CRTC1: variants seen among roughly 807,000 people sequenced by gnomAD.
The protein encoded by CRTC1 is CREB regulated transcription coactivator 1.
A neutral mutation model predicts 66.1 loss-of-function variants in CRTC1; 18 were observed. The ratio of observed to expected loss-of-function variants is 0.27; its 90% CI spans 0.19 to 0.40. CRTC1 has a LOEUF of 0.40. Among genes scored for constraint, CRTC1 ranks in the 10% least tolerant of loss-of-function variants. The pLI is 1.00. For synonymous variants in CRTC1, 416 were observed against 398.8 expected (o/e 1.04, Z -0.51); for missense variants, 669 against 887.9 (o/e 0.75, Z 3.13).
intron 9 of CRTC1, among the ~76,000 whole-genome samples, chr19:18,766,287 ATTTTTTT>A (rs1020411277): frequency 0.019 from 2,117 of 109,692 alleles, 65 homozygotes; most frequent in African/African-American, 0.063. Flanking sequence ...TGCCTGGCTA[ATTTTTTT>A]TTTTTTTTTT....
At chr19:18,720,512 G>A (rs2053601282) in intron 1 of CRTC1, among the ~76,000 whole-genome samples, 1 of 148,254 alleles carries the variant, frequency 6.7e-6, no homozygotes, top group African/African-American at 2.5e-5. Context: ...ACCACGCCCG[G>A]CTAATTTTTA....
rs1282519604 is a variant in CRTC1 at position 18,753,101 on chromosome 19, TAAAAATAAA to T, written c.539-384_539-376del. The stretch of plus-strand genomic sequence containing the variant: ...TAACACAGTGAAACCCCGTCTCTAC[TAAAAATAAA>T]AAAAATAAAAAAAAAATTAGCCTGG... On this transcript the variant is annotated intron_variant, in intron 5 of 13. Transcript: ENST00000321949. 2.0e-5 allele frequency among the ~76,000 whole-genome samples: 3 copies of T among 150,882 alleles called. No individual in the cohort carries two copies. The East Asian group carries it at 5.9e-4, about 30-fold the overall frequency.
chr19:18,733,493 G>T (rs1011967021), intron 1 of CRTC1, among the ~76,000 whole-genome samples: 2 of 152,246 alleles, frequency 1.3e-5, no homozygotes, highest in African/African-American at 4.8e-5. Context: ...TGTATATGTG[G>T]TTCTGTATTT....
At chr19:18,689,795 G>A (rs993722741) in intron 1 of CRTC1, among the ~76,000 whole-genome samples, 4 of 151,132 alleles carry the variant, frequency 2.6e-5, no homozygotes, top group African/African-American at 9.8e-5. Flanking sequence ...GCTGCTGTTG[G>A]CATCTTTGTC....
chr19:18,731,357 C>T (rs1165388044), intron 1 of CRTC1, among the ~76,000 whole-genome samples: 1 of 152,158 alleles, frequency 6.6e-6, no homozygotes, highest in Non-Finnish European at 1.5e-5. Context: ...GACTTGTAGA[C>T]GCGGCACCCC....
At chr19:18,707,900 TAA>T (rs1377407369) in intron 1 of CRTC1, among the ~76,000 whole-genome samples, 5 of 152,190 alleles carry the variant, frequency 3.3e-5, no homozygotes, top group African/African-American at 1.2e-4. Context: ...GGCAAGCCCA[TAA>T]TTGGCCCCTG....
At chr19:18,750,624 C>T (rs951871147) in intron 5 of CRTC1, among the ~76,000 whole-genome samples, 1 of 152,202 alleles carries the variant, frequency 6.6e-6, no homozygotes, top group Admixed American at 6.5e-5. Flanking sequence ...GGGAGTTGCA[C>T]GTGCTTAGGG....
Position 18,777,685 on chromosome 19 carries a change from CCGT to C in CRTC1, c.*305_*307del. 1 of 422,412 alleles carries C rather than the reference CCGT, an allele frequency of 2.4e-6. No individual in the cohort carries two copies. The highest frequency in any genetic ancestry group is 4.3e-6 in the Non-Finnish European group (1 of 234,462). 26.2% of individuals were successfully genotyped at this position (422,412 alleles called of 1,614,324 possible). A position where few individuals can be genotyped will look rare whatever the true frequency, so the allele number is the denominator to read the frequency against. ...CTCGCCCCCAGCCCCGGGGCCTGAGCCGTCCCCTGTAAGATGCGGGAAGTGTCA... is the reference window on the plus strand; with the variant it reads ...CTCGCCCCCAGCCCCGGGGCCTGAGCCCCCTGTAAGATGCGGGAAGTGTCA... On this transcript the variant is annotated 3_prime_UTR_variant, in exon 14 of 14. Transcript: ENST00000321949. The surrounding 1 kb of genome is among the most constrained non-coding windows in gnomAD (Gnocchi z 5.5).
chr19:18,713,546 T>TGCACCCTTAGGCGGCCTCCTCGTGCCCC (rs2053438344), intron 1 of CRTC1, among the ~76,000 whole-genome samples: 1 of 150,084 alleles, frequency 6.7e-6, no homozygotes, highest in African/African-American at 2.5e-5. Flanking sequence ...GCTGAGGCCC[T>TGCACCCTTAGGCGGCCTCCTCGTGCCCC]GCACCCTTAG....
intron 1 of CRTC1, among the ~76,000 whole-genome samples, chr19:18,721,230 G>C (rs944145524): frequency 5.7e-5 from 8 of 140,490 alleles, no homozygotes; most frequent in Non-Finnish European, 1.2e-4. Flanking sequence ...GTCTCGCTCT[G>C]TCGTCCAGGC....
chr19:18,774,934 C>A lies in CRTC1; in HGVS notation c.1460C>A (p.Ala487Glu). ...TSTLGSVFGD[A>E]YYEQQMAARQ... The stretch of plus-strand genomic sequence containing the variant: ...ACCCTGGGCAGCGTGTTTGGGGACG[C>A]GTACTATGAGCAGCAGATGGCGGCC... The change falls in exon 12 of 14, where the codon GCG becomes GAG. Residue 487 changes from alanine to glutamate, a missense_variant. Transcript: ENST00000321949. 6.2e-7 allele frequency: 1 copy of A among 1,610,482 alleles called. No homozygotes were observed. Among genetic ancestry groups the A allele is most frequent in the Non-Finnish European group, 8.5e-7 (1 of 1,179,992 alleles).
In CRTC1 at chr19:18,710,836, C is replaced by T. The variant is rs545910179; in HGVS notation, c.126+27008C>T. 2.8e-3 allele frequency among the ~76,000 whole-genome samples: 429 copies of T among 152,240 alleles called. 2 individuals are homozygous for T. The highest frequency in any genetic ancestry group is 5.5e-3 in the Non-Finnish European group (374 of 68,014). On this transcript the variant is annotated intron_variant, in intron 1 of 13. Coordinates refer to ENST00000321949, the MANE Select transcript of CRTC1 (RefSeq NM_015321.3). ...TTTGCCATGTTGCCCAGGCTGGTCT[C>T]GAACTCCTGACCTCAAGCGATCCAC...
chr19:18,716,135 G>A (rs968976566), intron 1 of CRTC1, among the ~76,000 whole-genome samples: 1 of 152,132 alleles, frequency 6.6e-6, no homozygotes, highest in African/African-American at 2.4e-5. Context: ...CCCGCCCTGG[G>A]GACCCTGTAG....
At chr19:18,717,273 T>A (rs1600827232) in intron 1 of CRTC1, among the ~76,000 whole-genome samples, 1 of 151,840 alleles carries the variant, frequency 6.6e-6, no homozygotes, top group East Asian at 1.9e-4. Context: ...GGGAAGTCTT[T>A]CCCCTAGCAC....
In CRTC1 at chr19:18,749,775, C is replaced by T; in HGVS notation, c.444-6C>T. 6.2e-7 allele frequency: 1 copy of T among 1,613,412 alleles called. No homozygotes were observed. Among genetic ancestry groups the T allele is most frequent in the South Asian group, 1.1e-5 (1 of 91,062 alleles). On this transcript the variant is annotated splice_region_variant and splice_polypyrimidine_tract_variant and intron_variant, in intron 4 of 13. Coordinates refer to ENST00000321949, the MANE Select transcript of CRTC1 (RefSeq NM_015321.3). ...GGCTCATTGTCTCTTCCTCCCTCCC[C>T]ACCAGGACCAATTCTGACTCCGCCC...
Position 18,753,551 on chromosome 19 carries a change from A to G in CRTC1, c.590A>G (p.Lys197Arg), listed in dbSNP as rs150056965. Residue 197 changes from lysine to arginine, a missense_variant, in exon 6 of 14, where the codon AAA becomes AGA. Physicochemically the swap from Lys to Arg is conservative, Grantham distance 26 (BLOSUM62 2). Transcript: ENST00000321949. ...GAAGAGACCACATCAGAGGCAGACA[A>G]AAACCTTTCCAAGCAAGCATGGGAC... ...GMEETTSEAD[K>R]NLSKQAWDTK... is the part of the protein sequence containing the mutation. 1.6e-4 allele frequency: 265 copies of G among 1,613,184 alleles called. No individual in the cohort carries two copies. The highest frequency in any genetic ancestry group is 2.1e-4 in the Non-Finnish European group (248 of 1,179,608).
Position 18,725,867 on chromosome 19 carries a change from G to C in CRTC1, c.127-17043G>C, listed in dbSNP as rs369872752. ...GAATTCCTCTCTCCCCGTGTGTCGC[G>C]CTTCCGGGGCTGCCGGTCACCCTGG... On this transcript the variant is annotated intron_variant, in intron 1 of 13. Coordinates refer to ENST00000321949, the MANE Select transcript of CRTC1 (RefSeq NM_015321.3). Among the ~76,000 whole-genome samples the C allele has an allele frequency of 2.0e-5, 3 of 152,320 alleles. No individual in the cohort carries two copies. In the East Asian group the frequency reaches 5.8e-4, roughly 29 times the overall value.
chr19:18,771,567 C>T lies in CRTC1; in HGVS notation c.1425+21C>T. 6.3e-7 allele frequency: 1 copy of T among 1,586,996 alleles called. No individual in the cohort carries two copies. ...CGCAAGTAAGGGGCGCCGCCTCCCC[C>T]TTGGCCTGTGGGCTCCACGCTTGTC... On this transcript the variant is annotated intron_variant, in intron 11 of 13. Coordinates refer to ENST00000321949, the MANE Select transcript of CRTC1 (RefSeq NM_015321.3). This position sits in a 1 kb window ranked among gnomAD's most constrained non-coding sequence, Gnocchi z 4.6.
intron 9 of CRTC1, among the ~76,000 whole-genome samples, chr19:18,767,179 A>T (rs543731053): frequency 6.0e-4 from 91 of 152,056 alleles, no homozygotes; most frequent in African/African-American, 1.8e-3. Context: ...CATTTTTAAA[A>T]TTTTTTTATT....
Sources: gnomAD v4.1 joint callset for allele counts (sites outside exome capture counted in the v4.1 genomes callset) on GRCh38, gnomAD v4.1.1 for gene constraint, Gnocchi (gnomAD v3.1) non-coding constraint, MANE v1.5 for transcripts, NCBI Gene and HGNC (gene_info 2026-07-23, HGNC 2026-07-21) for gene names.